The following SDHAF2 variants were observed in gnomAD, a reference collection of about 807,000 sequenced individuals.
SDHAF2 encodes the protein succinate dehydrogenase complex assembly factor 2.
Under a neutral mutation model 18.5 loss-of-function variants are expected in SDHAF2, and 21 were observed. The ratio of observed to expected loss-of-function variants is 1.13; its 90% CI spans 0.80 to 1.63. The LOEUF is 1.63. Ranked by LOEUF, SDHAF2 falls within the 40% of genes most tolerant of loss-of-function variation. The pLI is 0.00. For missense variants in SDHAF2, 195 were observed against 200.3 expected (o/e 0.97, Z 0.16); for synonymous variants, 84 against 70.7 (o/e 1.19, Z -0.94).
chr11:61,434,321 G>A (rs979973611), intron 1 of SDHAF2: 2 of 152,206 alleles, frequency 1.3e-5, no homozygotes, highest in Non-Finnish European at 2.9e-5. Flanking sequence ...TGGGATTACA[G>A]GCACGCGCCA....
rs1861970630 is a variant in SDHAF2, at chr11:61,434,573, C to T, written c.37-3052C>T. The T allele has an allele frequency of 3.1e-5, 4 of 131,084 alleles. 1 individual carries two copies. The South Asian group carries it at 7.0e-4, about 23-fold the overall frequency. The allele number at this position is 131,084 out of a possible 1,614,324, so 8.1% of individuals were successfully genotyped here. A position where few individuals can be genotyped will look rare whatever the true frequency, so the allele number is the denominator to read the frequency against. On this transcript the variant is annotated intron_variant, in intron 1 of 3. Coordinates refer to ENST00000301761, the MANE Select transcript of SDHAF2 (RefSeq NM_017841.4). ...TCCTTGATGGAGTCCCTAAGGCTTT[C>T]TTCACTCCTTCTCATTCCTTTTTTT... is the stretch of plus-strand genomic sequence containing the variant.
intron 1 of SDHAF2, chr11:61,435,641 T>G (rs1370894673): frequency 1.3e-5 from 2 of 152,146 alleles, no homozygotes; most frequent in African/African-American, 2.4e-5. Context: ...GATTTGCCGG[T>G]TTCCTTTTTC....
chr11:61,445,143 G>A (rs1862123353), intron 3 of SDHAF2, among the ~76,000 whole-genome samples: 3 of 152,110 alleles, frequency 2.0e-5, no homozygotes, highest in East Asian at 1.9e-4. Flanking sequence ...TCCTGGCGTC[G>A]TACCTAGTGT....
intron 3 of SDHAF2, among the ~76,000 whole-genome samples, chr11:61,440,718 CT>C (rs1862055372): frequency 6.6e-6 from 1 of 152,106 alleles, no homozygotes; most frequent in Non-Finnish European, 1.5e-5. Context: ...ATATTTTAGG[CT>C]TTGCAGGCCA....
intron 1 of SDHAF2, chr11:61,432,368 A>G (rs1214558604): frequency 6.6e-6 from 1 of 151,990 alleles, no homozygotes; most frequent in Non-Finnish European, 1.5e-5. Context: ...ATAAAATGGC[A>G]TAGTATTTGC....
chr11:61,441,741 A>G (rs1024296872), intron 3 of SDHAF2, among the ~76,000 whole-genome samples: 1 of 152,174 alleles, frequency 6.6e-6, no homozygotes, highest in Non-Finnish European at 1.5e-5. Context: ...TAGCCATTCC[A>G]AGAAGTATAT....
chr11:61,433,428 C>A (rs1259591700), intron 1 of SDHAF2: 2 of 152,130 alleles, frequency 1.3e-5, no homozygotes, highest in Non-Finnish European at 2.9e-5. Context: ...TGGAATGCTG[C>A]CTTGATACTA....
intron 1 of SDHAF2, chr11:61,434,770 C>A (rs1861974931): frequency 6.7e-6 from 1 of 149,008 alleles, no homozygotes; most frequent in African/African-American, 2.5e-5. Flanking sequence ...CGCTCTGTTG[C>A]CCAGGCTGGA....
At chr11:61,442,127 A>G (rs956856108) in intron 3 of SDHAF2, among the ~76,000 whole-genome samples, 1 of 152,110 alleles carries the variant, frequency 6.6e-6, no homozygotes, top group Non-Finnish European at 1.5e-5. Context: ...TCCTGAGCTC[A>G]AGCAATCCAC....
chr11:61,434,522 C>A (rs116677287), intron 1 of SDHAF2: 1 of 150,350 alleles, frequency 6.7e-6, no homozygotes, highest in Non-Finnish European at 1.5e-5. Context: ...TTCTCTTATA[C>A]GACTCTCATA....
rs1237175697 is a variant in SDHAF2 at position 61,438,113 on chromosome 11, G to A, written c.370G>A (p.Glu124Lys). 1.9e-6 allele frequency: 3 copies of A among 1,602,136 alleles called. No individual in the cohort carries two copies. The African/African-American group carries it at 4.0e-5, about 21-fold the overall frequency. ...CTGGGATATTTACTACTGGGCCACAGGTACTGGGTATGATAAGCAGCATAA... is the reference window on the plus strand; with the variant it reads ...CTGGGATATTTACTACTGGGCCACAAGTACTGGGTATGATAAGCAGCATAA... The part of the protein sequence containing the change: ...NDWDIYYWAT[E>K]AKPAPEIFEN... The change falls in exon 3 of 4, where the codon GAA (glutamate) becomes AAA (lysine). Residue 124 changes from glutamate (E) to lysine (K), a missense_variant and splice_region_variant. Physicochemically the swap from Glu to Lys is moderately conservative, Grantham distance 56. Transcript: ENST00000301761.
chr11:61,445,868 G>A (rs1040427161), intron 3 of SDHAF2, 73 bp from the exon 4 acceptor site: 4 of 1,558,906 alleles, frequency 2.6e-6, no homozygotes, highest in African/African-American at 2.7e-5. Flanking sequence ...CCAGTGTTTC[G>A]AGTTTTAAGA....
At chr11:61,435,609 G>A (rs977058009) in intron 1 of SDHAF2, 1 of 152,204 alleles carries the variant, frequency 6.6e-6, no homozygotes, top group Admixed American at 6.5e-5. Flanking sequence ...TGGACTTGCG[G>A]ATGTAAATTC....
rs1277577700 is a variant in SDHAF2, at chr11:61,437,683, G to C, written c.95G>C (p.Arg32Thr). 1.9e-6 allele frequency: 3 copies of C among 1,614,208 alleles called. No homozygotes were observed. The highest frequency in any genetic ancestry group is 2.7e-5 in the African/African-American group (2 of 75,054). Residue 32 changes from arginine (R) to threonine (T), a missense_variant, in exon 2 of 4, where the codon AGA (arginine) becomes ACA (threonine). Transcript: ENST00000301761. ...LSPLLSVTSFRRFYRGDSPTD... is the reference protein window; with the variant it reads ...LSPLLSVTSFTRFYRGDSPTD... Reference sequence around the variant, plus strand: ...CCTTTGCTCAGTGTGACATCATTCAGACGCTTCTACAGAGGTGACAGCCCA... The same window carrying C: ...CCTTTGCTCAGTGTGACATCATTCACACGCTTCTACAGAGGTGACAGCCCA...
In SDHAF2 at chr11:61,438,967, CTG is replaced by C. The variant is rs1590765639; in HGVS notation, c.370+855_370+856del. ...GCTGAGGCAAGAGAATCGCTTGAGCCTGGGAGACAGAGATTGCAGTGAGCTGA... is the reference window on the plus strand; with the variant it reads ...GCTGAGGCAAGAGAATCGCTTGAGCCGGAGACAGAGATTGCAGTGAGCTGA... On this transcript the variant is annotated intron_variant, in intron 3 of 3. Coordinates refer to ENST00000301761, the MANE Select transcript of SDHAF2 (RefSeq NM_017841.4). Among the ~76,000 whole-genome samples, 7 of 152,154 alleles carry C rather than the reference CTG, an allele frequency of 4.6e-5. No individual in the cohort carries two copies. The East Asian group carries it at 1.4e-3, about 29-fold the overall frequency.
chr11:61,445,916 T>A (rs1862131303), intron 3 of SDHAF2, 25 bp from the exon 4 acceptor site: 7 of 1,613,916 alleles, frequency 4.3e-6, no homozygotes, highest in Non-Finnish European at 5.9e-6. Flanking sequence ...TGGCATAATT[T>A]TTTCTGCCCA....
intron 3 of SDHAF2, among the ~76,000 whole-genome samples, chr11:61,440,068 C>T (rs1364850040): frequency 6.6e-6 from 1 of 152,140 alleles, no homozygotes; most frequent in Non-Finnish European, 1.5e-5. Context: ...ACATGCTCCT[C>T]CTCTGGGAAG....
At chr11:61,432,032 G>A (rs1202229908) in intron 1 of SDHAF2, 1 of 152,232 alleles carries the variant, frequency 6.6e-6, no homozygotes, top group Non-Finnish European at 1.5e-5. Flanking sequence ...AGTGGCCGAG[G>A]TGGGTGGATC....
In SDHAF2 at chr11:61,445,791, T is replaced by C. The variant is rs1284426661; in HGVS notation, c.371-150T>C. The C allele has an allele frequency of 4.3e-6, 4 of 933,018 alleles. No individual in the cohort carries two copies. The East Asian group carries it at 7.6e-5, about 18-fold the overall frequency. The allele number at this position is 933,018 out of a possible 1,614,324, so 57.8% of individuals were successfully genotyped here. A position where few individuals can be genotyped will look rare whatever the true frequency, so the allele number is the denominator to read the frequency against. On this transcript the variant is annotated intron_variant, in intron 3 of 3. Transcript: ENST00000301761. ...TCACACAGTTTGCCACCCCCTGGTA[T>C]AGGCTAACATCGTGTATATTTAGAA... is the stretch of plus-strand genomic sequence containing the variant.
Sources: allele counts gnomAD v4.1 joint callset (sites outside exome capture counted in the v4.1 genomes callset), GRCh38; gene constraint gnomAD v4.1.1; transcripts MANE v1.5; gene names NCBI Gene and HGNC (gene_info 2026-07-23, HGNC 2026-07-21).